Variants in LAMA4 observed in about 807,000 individuals in gnomAD.
The protein encoded by LAMA4 is laminin subunit alpha-4.
In LAMA4, 127 loss-of-function variants were observed where a neutral mutation model predicts 207.1. The ratio of observed to expected loss-of-function variants is 0.61; its 90% CI spans 0.53 to 0.71. The LOEUF is 0.71. Ranked by LOEUF, LAMA4 falls within the 30% of genes least tolerant of loss-of-function variation. LAMA4 has a pLI of 0.00. For synonymous variants in LAMA4, 761 were observed against 816.0 expected (o/e 0.93, Z 1.15); for missense variants, 2,093 against 2,246.5 (o/e 0.93, Z 1.38).
chr6:112,114,606 C>T (rs1554322794), intron 37 of LAMA4, 57 bp downstream of exon 37: 27 of 1,142,598 alleles, frequency 2.4e-5, no homozygotes, highest in Non-Finnish European at 5.3e-6. Context: ...TAAGTTCTGC[C>T]AGATCATAAT....
intron 7 of LAMA4, 123 bp downstream of exon 7, chr6:112,188,987 G>C: frequency 2.7e-6 from 2 of 729,590 alleles, no homozygotes; most frequent in Non-Finnish European, 2.5e-6. Flanking sequence ...GTGCAGAAAG[G>C]GTTAAGTCCA....
chr6:112,225,815 C>A (rs1269484064), intron 2 of LAMA4, among the ~76,000 whole-genome samples: 1 of 152,142 alleles, frequency 6.6e-6, no homozygotes, highest in Non-Finnish European at 1.5e-5. Context: ...ACTGCTTAGA[C>A]CTTAAACAAC....
intron 24 of LAMA4, 133 bp downstream of exon 24, chr6:112,138,987 C>A: frequency 1.1e-6 from 1 of 889,486 alleles, no homozygotes; most frequent in Non-Finnish European, 1.8e-6. Context: ...AGAAGAAAAT[C>A]CAATTTGACT....
At chr6:112,216,602 T>C (rs886636964) in intron 2 of LAMA4, 133 bp from the exon 3 acceptor site, 4 of 698,406 alleles carry the variant, frequency 5.7e-6, no homozygotes, top group Non-Finnish European at 2.6e-6. Flanking sequence ...AAATGATACA[T>C]ACAAAACATA....
chr6:112,249,876 C>T lies in LAMA4; in HGVS notation c.195+4080G>A, dbSNP rs932355010. On this transcript the variant is annotated intron_variant, in intron 2 of 38. Transcript: ENST00000230538. ...AGTTTTGTGCCCTACTGGTCTAGCA[C>T]AGGAATAATACTTTTTTCACATTAC... Among the ~76,000 whole-genome samples, 5 of 152,270 alleles carry T rather than the reference C, an allele frequency of 3.3e-5. No homozygotes were observed. The South Asian group carries it at 6.2e-4, about 19-fold the overall frequency.
chr6:112,228,869 G>C (rs574126144), intron 2 of LAMA4, among the ~76,000 whole-genome samples: 32 of 152,128 alleles, frequency 2.1e-4, no homozygotes, highest in Non-Finnish European at 4.4e-4. Flanking sequence ...TCTGGATCTG[G>C]GGGGACAGGT....
At chr6:112,144,574 T>C (rs1157404934) in intron 19 of LAMA4, among the ~76,000 whole-genome samples, 1 of 152,246 alleles carries the variant, frequency 6.6e-6, no homozygotes, top group Admixed American at 6.5e-5. Context: ...TACTGAGCCC[T>C]TTCTCTACAG....
chr6:112,128,332 G>T (rs982687802), intron 31 of LAMA4, among the ~76,000 whole-genome samples: 3 of 152,056 alleles, frequency 2.0e-5, no homozygotes, highest in Admixed American at 6.6e-5. Flanking sequence ...AATAAGGCAG[G>T]CACAGAAAGA....
chr6:112,189,156 C>T lies in LAMA4; in HGVS notation c.768G>A (p.Leu256=). The change falls in exon 7 of 39, where the codon TTG becomes TTA. Residue 256 remains leucine, a synonymous_variant. Transcript: ENST00000230538. ...GPCDSVTGEC[L]EEGFEPPTGM... ...CTGTAGGGGGTTCAAAACCTTCTTC[C>T]AAGCATTCTCCGGTTACACTGTCAC... 1 of 1,614,040 alleles carries T rather than the reference C, an allele frequency of 6.2e-7. No individual in the cohort carries two copies. Among genetic ancestry groups the T allele is most frequent in the Non-Finnish European group, 8.5e-7 (1 of 1,179,940 alleles).
At chr6:112,213,743 T>G (rs73544339) in intron 3 of LAMA4, 4,923 of 312,318 alleles carry the variant, frequency 0.016, 231 homozygotes, top group African/African-American at 0.096. Context: ...TAAATTTTAA[T>G]TTCAAATTGA....
intron 3 of LAMA4, among the ~76,000 whole-genome samples, chr6:112,210,162 T>C (rs1784284658): frequency 6.6e-6 from 1 of 152,016 alleles, no homozygotes; most frequent in South Asian, 2.1e-4. Context: ...AGTGAGCCAA[T>C]TATGCCTCTT....
intron 21 of LAMA4, 67 bp downstream of exon 21, chr6:112,141,291 C>T: frequency 1.4e-6 from 2 of 1,380,882 alleles, no homozygotes; most frequent in Admixed American, 1.7e-5. Flanking sequence ...TGTGCACGCA[C>T]ATGTGCACGT....
chr6:112,137,600 C>G (rs1319205066), intron 24 of LAMA4, among the ~76,000 whole-genome samples: 1 of 152,158 alleles, frequency 6.6e-6, no homozygotes, highest in Non-Finnish European at 1.5e-5. Context: ...TTGCTTCTAG[C>G]CTATTGCAAT....
At chr6:112,230,662 T>G (rs782578430) in intron 2 of LAMA4, among the ~76,000 whole-genome samples, 1 of 152,234 alleles carries the variant, frequency 6.6e-6, no homozygotes, top group Non-Finnish European at 1.5e-5. Flanking sequence ...CCATTCTTTT[T>G]TTCTTTAGGG....
chr6:112,227,041 T>TTTTA (rs10610325), intron 2 of LAMA4, among the ~76,000 whole-genome samples: 34,037 of 141,528 alleles, frequency 0.24, 4,347 homozygotes, highest in South Asian at 0.3. Flanking sequence ...GCTTCGACTA[T>TTTTA]TTTATTTATT....
At chr6:112,248,358 G>A (rs1190708862) in intron 2 of LAMA4, among the ~76,000 whole-genome samples, 1 of 151,988 alleles carries the variant, frequency 6.6e-6, no homozygotes, top group East Asian at 1.9e-4. Context: ...AATTAGCCAG[G>A]CATGGTGGCA....
At chr6:112,231,569 T>A (rs1464859356) in intron 2 of LAMA4, among the ~76,000 whole-genome samples, 1 of 152,208 alleles carries the variant, frequency 6.6e-6, no homozygotes, top group Non-Finnish European at 1.5e-5. Context: ...TAGAAGCCAG[T>A]CGTATGACAT....
chr6:112,142,935 T>A (rs1043109331), intron 19 of LAMA4, among the ~76,000 whole-genome samples: 6 of 152,232 alleles, frequency 3.9e-5, no homozygotes. Context: ...TGCTTTCCAG[T>A]GCCTGGTCCT....
In LAMA4 at chr6:112,160,212, G is replaced by A. The variant is rs576990232; in HGVS notation, c.1669-1332C>T. Among the ~76,000 whole-genome samples, 21 of 152,210 alleles carry A rather than the reference G, an allele frequency of 1.4e-4. 1 individual carries two copies. The South Asian group carries it at 3.7e-3, about 27-fold the overall frequency. On this transcript the variant is annotated intron_variant, in intron 13 of 38. Coordinates refer to ENST00000230538, the MANE Select transcript of LAMA4 (RefSeq NM_001105206.3). Reference sequence around the variant, plus strand: ...CAGAGACTCCAAAACCAATGAACAGGTATTTCCCCAGCTTTTTGCAACCAG... The same window carrying A: ...CAGAGACTCCAAAACCAATGAACAGATATTTCCCCAGCTTTTTGCAACCAG...
Sources: allele counts gnomAD v4.1 joint callset (sites outside exome capture counted in the v4.1 genomes callset), GRCh38; gene constraint gnomAD v4.1.1; transcripts MANE v1.5; gene names NCBI Gene and HGNC (gene_info 2026-07-23, HGNC 2026-07-21).